The following CNOT3 variants were observed in gnomAD, a reference collection of about 807,000 sequenced individuals.
The protein encoded by CNOT3 is CCR4-associated factor 3.
In CNOT3, 2 loss-of-function variants were observed where a neutral mutation model predicts 89.4. That is an observed-to-expected ratio of 0.02 (90% CI 0.01 to 0.07). The LOEUF (loss-of-function observed/expected upper bound fraction) is 0.07, where lower values mean the gene tolerates loss of function less well. CNOT3 is among the 10% of genes least tolerant of loss of function. The pLI is 1.00. For synonymous variants in CNOT3, 486 were observed against 402.0 expected, an observed-to-expected ratio of 1.21 and a Z score of -2.50; for missense variants, 664 against 1,010.2, an observed-to-expected ratio of 0.66 and a Z score of 4.65.
At chr19:54,142,621 C>A (rs1411786980) in intron 1 of CNOT3, 1 of 459,692 alleles carries the variant, frequency 2.2e-6, no homozygotes. Context: ...TCTGAAAAAC[C>A]TTTTTGAGTG....
intron 16 of CNOT3, chr19:54,153,395 T>C (rs749377297): frequency 3.9e-6 from 3 of 767,028 alleles, no homozygotes; most frequent in African/African-American, 1.7e-5. Flanking sequence ...CCAACCCCAG[T>C]GAGTCATGAG....
At chr19:54,153,205 G>T in intron 16 of CNOT3, 1 of 764,992 alleles carries the variant, frequency 1.3e-6, no homozygotes, top group Admixed American at 1.7e-5. Flanking sequence ...AACTGCTTGG[G>T]TTGACAGCGA....
intron 17 of CNOT3, 91 bp from the exon 18 acceptor site, chr19:54,155,218 G>A (rs745400384): frequency 2.0e-6 from 3 of 1,534,540 alleles, no homozygotes; most frequent in East Asian, 2.4e-5. Flanking sequence ...CACATCCACA[G>A]CCCTAAGAAT....
chr19:54,153,100 G>GTC, intron 16 of CNOT3, 101 bp downstream of exon 16: 1 of 1,198,406 alleles, frequency 8.3e-7, no homozygotes, highest in Non-Finnish European at 1.2e-6. Context: ...CCCCACTGCG[G>GTC]CCACTGGGAC....
In CNOT3 at chr19:54,148,893, A is replaced by G. The variant is rs747936197; in HGVS notation, c.1406+150A>G. On this transcript the variant is annotated intron_variant, in intron 12 of 17. Transcript: ENST00000221232. The surrounding 1 kb of genome is among the most constrained non-coding windows in gnomAD (Gnocchi z 6.3). ...CTATCCTCCATCTCCCTCGGGTGTT[A>G]CACCCCCACTTCTTTCCAGCAAGGA... 3 of 661,952 alleles carry G rather than the reference A, an allele frequency of 4.5e-6. No homozygotes were observed. Among genetic ancestry groups the G allele is most frequent in the Non-Finnish European group, 7.6e-6 (3 of 393,482 alleles). The allele number at this position is 661,952 out of a possible 1,614,324, so 41.0% of individuals were successfully genotyped here. A position where few individuals can be genotyped will look rare whatever the true frequency, so the allele number is the denominator to read the frequency against.
Position 54,143,453 on chromosome 19 carries a change from A to T in CNOT3, c.105A>T (p.Ala35=), listed in dbSNP as rs1206008603. Residue 35 remains alanine (A), a synonymous_variant, in exon 4 of 18, where the codon GCA becomes GCT. Transcript: ENST00000221232. ...FEDIWQKLHN[A]ANANQKEKYE... is the part of the protein sequence containing the mutation. ...TCTCCATCCCTCAGCTCCACAATGC[A>T]GCCAACGCGAACCAGAAAGAAAAGT... The T allele has an allele frequency of 6.2e-7, 1 of 1,614,042 alleles. No individual in the cohort carries two copies. The highest frequency in any genetic ancestry group is 8.5e-7 in the Non-Finnish European group (1 of 1,180,002).
Position 54,144,172 on chromosome 19 carries a change from A to T in CNOT3, c.387+38A>T. 1 of 1,611,054 alleles carries T rather than the reference A, an allele frequency of 6.2e-7. No individual in the cohort carries two copies. Among genetic ancestry groups the T allele is most frequent in the Non-Finnish European group, 8.5e-7 (1 of 1,178,158 alleles). Reference sequence around the variant, plus strand: ...AGAGAAGAGGAGGTGAACTCTGAGGATCCTGAGCCCTGGGTGTAGGCGGAA... The same window carrying T: ...AGAGAAGAGGAGGTGAACTCTGAGGTTCCTGAGCCCTGGGTGTAGGCGGAA... On this transcript the variant is annotated intron_variant, in intron 6 of 17. Transcript: ENST00000221232. This position sits in a 1 kb window ranked among gnomAD's most constrained non-coding sequence, Gnocchi z 4.8.
intron 13 of CNOT3, among the ~76,000 whole-genome samples, chr19:54,150,675 T>A (rs2075040854): frequency 8.8e-6 from 1 of 113,418 alleles, no homozygotes; most frequent in African/African-American, 2.9e-5. Context: ...TTCTGTGCCT[T>A]CATCTGGGAA....
Position 54,149,138 on chromosome 19 carries a change from C to T in CNOT3, c.1406+395C>T, listed in dbSNP as rs111709939. On this transcript the variant is annotated intron_variant, in intron 12 of 17. Coordinates refer to ENST00000221232, the MANE Select transcript of CNOT3 (RefSeq NM_014516.4). ...CCACTCCTTCAAATCTTAGCTCAGACCATTCCACTGGGTCTGCCTGTTTCC... is the reference window on the plus strand; with the variant it reads ...CCACTCCTTCAAATCTTAGCTCAGATCATTCCACTGGGTCTGCCTGTTTCC... Among the ~76,000 whole-genome samples, 206 of 152,326 alleles carry T rather than the reference C, an allele frequency of 1.4e-3. No individual in the cohort carries two copies. The Middle Eastern group carries it at 0.014, about 10-fold the overall frequency.
chr19:54,153,247 C>A (rs1473810059), intron 16 of CNOT3: 2 of 763,214 alleles, frequency 2.6e-6, no homozygotes, highest in Admixed American at 3.4e-5. Flanking sequence ...CTCAGCCCCG[C>A]TTCCAGTTGC....
Position 54,154,264 on chromosome 19 carries a change from G to T in CNOT3, c.2163+424G>T, listed in dbSNP as rs1055234. ...ACTCAGCAGGGCAGGGGCTCAGTGC[G>T]GAAACTATTTTTTTTGAATGGGCTT... On this transcript the variant is annotated intron_variant, in intron 17 of 17. Coordinates refer to ENST00000221232, the MANE Select transcript of CNOT3 (RefSeq NM_014516.4). 46 of 345,710 alleles carry T rather than the reference G, an allele frequency of 1.3e-4. 1 individual carries two copies. The highest frequency in any genetic ancestry group is 1.1e-3 in the South Asian group (45 of 42,302). The allele number at this position is 345,710 out of a possible 1,614,324, so 21.4% of individuals were successfully genotyped here.
Position 54,149,599 on chromosome 19 carries a change from C to T in CNOT3, c.1446C>T (p.Gly482=), listed in dbSNP as rs778972107. 6.2e-6 allele frequency: 10 copies of T among 1,608,678 alleles called. No homozygotes were observed. The highest frequency in any genetic ancestry group is 2.2e-5 in the East Asian group (1 of 44,780). Reference sequence around the variant, plus strand: ...CGGCAGCCCCAACGGGGGCTGGGGGCGTGGCCCCAGGCTCAGGGAACAACT... The same window carrying T: ...CGGCAGCCCCAACGGGGGCTGGGGGTGTGGCCCCAGGCTCAGGGAACAACT... ...PSAAAPTGAG[G]VAPGSGNNSG... The change falls in exon 13 of 18, where the codon GGC becomes GGT. Residue 482 remains glycine, a synonymous_variant. Coordinates refer to ENST00000221232, the MANE Select transcript of CNOT3 (RefSeq NM_014516.4).
At position 54,153,848 on chromosome 19, in the gene CNOT3, CCCCGCCCCCTCTCTT is replaced by C. The variant is rs2075275371; in HGVS notation, c.2163+14_2163+28del. On this transcript the variant is annotated intron_variant, in intron 17 of 17. Coordinates refer to ENST00000221232, the MANE Select transcript of CNOT3 (RefSeq NM_014516.4). Reference sequence around the variant, plus strand: ...ACTGACGAGTTTGAGCAGGTGAGGGCCCCGCCCCCTCTCTTCCCGCTGCTAGGGTTGGGGTAGAGT... The same window carrying C: ...ACTGACGAGTTTGAGCAGGTGAGGGCCCCGCTGCTAGGGTTGGGGTAGAGT... 1.9e-6 allele frequency: 3 copies of C among 1,614,126 alleles called. No homozygotes were observed. The Admixed American group carries it at 5.0e-5, about 27-fold the overall frequency.
intron 16 of CNOT3, 131 bp downstream of exon 16, chr19:54,153,130 C>A: frequency 1.3e-6 from 1 of 782,682 alleles, no homozygotes; most frequent in Non-Finnish European, 2.3e-6. Flanking sequence ...TCCCTATTCC[C>A]ACTCCTGGGC....
At chr19:54,152,363 A>G in intron 14 of CNOT3, 38 bp downstream of exon 14, 1 of 1,614,064 alleles carries the variant, frequency 6.2e-7, no homozygotes, top group Non-Finnish European at 8.5e-7. Context: ...AGCGGGCCAA[A>G]GAGGAGGGGC....
chr19:54,144,114 G>C lies in CNOT3; in HGVS notation c.367G>C (p.Glu123Gln). 6.2e-7 allele frequency: 1 copy of C among 1,606,034 alleles called. No individual in the cohort carries two copies. Among genetic ancestry groups the C allele is most frequent in the Non-Finnish European group, 8.5e-7 (1 of 1,176,536 alleles). Residue 123 changes from glutamate to glutamine, a missense_variant, in exon 6 of 18, where the codon GAG becomes CAG. By Grantham distance (29) the Glu-to-Gln change is conservative. This residue lies in a region of CNOT3 where 27 missense variants were observed against 158.2 expected (regional missense o/e 0.17). Coordinates refer to ENST00000221232, the MANE Select transcript of CNOT3 (RefSeq NM_014516.4). The surrounding 1 kb of genome is among the most constrained non-coding windows in gnomAD (Gnocchi z 4.8). ...KVDPAQKEKE[E>Q]VGQWLTNTID... ...AGATCCTGCCCAGAAGGAGAAGGAA[G>C]AGGTTGGCCAGTGGCTCACGGTGAG... is the stretch of plus-strand genomic sequence containing the variant.
intron 17 of CNOT3, 118 bp from the exon 18 acceptor site, chr19:54,155,191 G>C (rs2075345469): frequency 8.2e-7 from 1 of 1,214,558 alleles, no homozygotes; most frequent in South Asian, 1.4e-5. Context: ...GTGCAGGGCA[G>C]CTGGCCCGGT....
intron 1 of CNOT3, among the ~76,000 whole-genome samples, chr19:54,139,473 G>A (rs2074362057): frequency 6.6e-6 from 1 of 152,150 alleles, no homozygotes; most frequent in Non-Finnish European, 1.5e-5. Context: ...TGTACTGCGA[G>A]GTGGGGGCTC....
At chr19:54,155,170 AGAGT>A in intron 17 of CNOT3, 135 bp from the exon 18 acceptor site, 1 of 873,690 alleles carries the variant, frequency 1.1e-6, no homozygotes, top group Non-Finnish European at 1.7e-6. Context: ...AGGATGGATG[AGAGT>A]GTGTGCGTGC....
Sources: gnomAD v4.1 joint callset for allele counts (sites outside exome capture counted in the v4.1 genomes callset) on GRCh38, gnomAD v4.1.1 for gene constraint, gnomAD v4.1.1 regional missense constraint, Gnocchi (gnomAD v3.1) non-coding constraint, MANE v1.5 for transcripts, NCBI Gene and HGNC (gene_info 2026-07-23, HGNC 2026-07-21) for gene names.